Variants in PTK2 observed in about 807,000 individuals in gnomAD.
PTK2 encodes protein tyrosine kinase 2, also known as focal adhesion kinase 1.
A neutral mutation model predicts 150.1 loss-of-function variants in PTK2; 45 were observed. The observed-to-expected ratio is 0.30, with a 90% CI of 0.24 to 0.38. The LOEUF (loss-of-function observed/expected upper bound fraction) is 0.38. Among genes scored for constraint, PTK2 ranks in the 10% least tolerant of loss-of-function variants. The pLI is 1.00. For missense variants in PTK2, 919 were observed against 1,307.3 expected, an observed-to-expected ratio of 0.70 and a Z score of 4.58; for synonymous variants, 432 against 449.2, an observed-to-expected ratio of 0.96 and a Z score of 0.48.
At chr8:140,709,506 A>C (rs1045495597) in intron 23 of PTK2, among the ~76,000 whole-genome samples, 1 of 152,218 alleles carries the variant, frequency 6.6e-6, no homozygotes, top group Non-Finnish European at 1.5e-5. Flanking sequence ...GGTGGTCAAG[A>C]GGGCAGGCTT....
intron 1 of PTK2, among the ~76,000 whole-genome samples, chr8:140,951,949 T>C (rs567831160): frequency 3.7e-4 from 56 of 152,138 alleles, no homozygotes; most frequent in African/African-American, 1.3e-3. Context: ...GAGATGGCTC[T>C]TGGGTCACAA....
At chr8:140,885,161 A>G (rs2100151809) in intron 3 of PTK2, among the ~76,000 whole-genome samples, 1 of 152,212 alleles carries the variant, frequency 6.6e-6, no homozygotes, top group Non-Finnish European at 1.5e-5. Context: ...AAAATAAGCT[A>G]GGTACAGAGA....
At chr8:140,692,571 T>C (rs1286824050) in intron 26 of PTK2, among the ~76,000 whole-genome samples, 1 of 151,730 alleles carries the variant, frequency 6.6e-6, no homozygotes, top group Non-Finnish European at 1.5e-5. Context: ...GTGCCAAGAT[T>C]GCGCCATTTC....
intron 1 of PTK2, among the ~76,000 whole-genome samples, chr8:140,961,777 A>G (rs1361106417): frequency 1.3e-5 from 2 of 152,242 alleles, no homozygotes; most frequent in Admixed American, 1.3e-4. Flanking sequence ...TTAAAAGGCA[A>G]TGATTTAAGC....
chr8:140,748,190 C>T (rs2100060573), intron 17 of PTK2, among the ~76,000 whole-genome samples: 1 of 152,084 alleles, frequency 6.6e-6, no homozygotes, highest in African/African-American at 2.4e-5. Flanking sequence ...TGGTTGCTTT[C>T]AGGGCCCTAT....
At chr8:140,918,985 T>C (rs999738345) in intron 2 of PTK2, among the ~76,000 whole-genome samples, 2 of 152,198 alleles carry the variant, frequency 1.3e-5, no homozygotes, top group African/African-American at 4.8e-5. Context: ...CTCCCTGTCC[T>C]GGTACAAGAG....
intron 27 of PTK2, among the ~76,000 whole-genome samples, chr8:140,677,206 A>G (rs1254556478): frequency 6.6e-6 from 1 of 152,152 alleles, no homozygotes; most frequent in Non-Finnish European, 1.5e-5. Context: ...CCTTATCACA[A>G]AAACAGGTAC....
intron 5 of PTK2, among the ~76,000 whole-genome samples, chr8:140,851,341 T>C (rs1001415551): frequency 1.3e-5 from 2 of 152,242 alleles, no homozygotes; most frequent in Admixed American, 6.5e-5. Flanking sequence ...TACACATTCA[T>C]TGATTTATCA....
intron 3 of PTK2, 103 bp from the exon 4 acceptor site, chr8:140,879,740 T>C: frequency 1.0e-6 from 1 of 990,784 alleles, no homozygotes; most frequent in East Asian, 3.1e-5. Context: ...AAAAACTATA[T>C]GCTAAAAAGT....
At chr8:140,830,678 A>G (rs746216736) in intron 7 of PTK2, 152 bp from the exon 8 acceptor site, 38 of 522,654 alleles carry the variant, frequency 7.3e-5, no homozygotes, top group African/African-American at 1.6e-4. Context: ...ATTTACCAGT[A>G]TATTCACAGG....
chr8:140,797,911 G>A (rs1388524609), intron 12 of PTK2, among the ~76,000 whole-genome samples: 2 of 152,056 alleles, frequency 1.3e-5, no homozygotes, highest in African/African-American at 4.8e-5. Flanking sequence ...CTCCTGTGTA[G>A]CTGGAATTAC....
At chr8:140,744,411 T>G (rs930954770) in intron 19 of PTK2, among the ~76,000 whole-genome samples, 4 of 152,252 alleles carry the variant, frequency 2.6e-5, no homozygotes, top group African/African-American at 9.6e-5. Context: ...AAAAATCCTG[T>G]AAATGTGTAT....
chr8:140,679,822 G>C (rs2100016035), intron 27 of PTK2, among the ~76,000 whole-genome samples: 1 of 152,136 alleles, frequency 6.6e-6, no homozygotes, highest in African/African-American at 2.4e-5. Context: ...CTAGTCAAAG[G>C]GTTCTCCCTG....
chr8:140,782,763 T>C (rs1342171385), intron 14 of PTK2, among the ~76,000 whole-genome samples: 1 of 151,736 alleles, frequency 6.6e-6, no homozygotes, highest in Non-Finnish European at 1.5e-5. Flanking sequence ...GAAACTAGAG[T>C]GTAAAACTAG....
At chr8:140,746,676 G>A in intron 18 of PTK2, 84 bp downstream of exon 21, 4 of 1,008,872 alleles carry the variant, frequency 4.0e-6, no homozygotes, top group South Asian at 1.6e-5. Flanking sequence ...GAAAATCCAA[G>A]ATATAAACTG....
chr8:140,690,908 A>G (rs1472644187), intron 26 of PTK2, among the ~76,000 whole-genome samples: 1 of 152,238 alleles, frequency 6.6e-6, no homozygotes, highest in Non-Finnish European at 1.5e-5. Context: ...CAGTCCTTAC[A>G]AGCTGTGTGA....
rs1442469164 is a variant in PTK2 at position 140,674,251 on chromosome 8, C to T, written c.2709+47G>A. The T allele has an allele frequency of 2.6e-6, 4 of 1,528,280 alleles. 1 individual carries two copies. The South Asian group carries it at 3.5e-5, about 13-fold the overall frequency. 94.7% of individuals were successfully genotyped at this position (1,528,280 alleles called of 1,614,324 possible). On this transcript the variant is annotated intron_variant, in intron 29 of 31. Coordinates refer to ENST00000522684, the Ensembl canonical transcript of PTK2. The stretch of plus-strand genomic sequence containing the variant: ...CACATCAACTGAGAACTAGGGGACA[C>T]CACAAATCCTGCAAGCAGAAGGTGC...
At chr8:140,692,917 T>C (rs748520660) in intron 26 of PTK2, among the ~76,000 whole-genome samples, 9 of 152,230 alleles carry the variant, frequency 5.9e-5, no homozygotes, top group Non-Finnish European at 1.2e-4. Flanking sequence ...TCAGACTGAC[T>C]GGATCTGCTA....
intron 2 of PTK2, among the ~76,000 whole-genome samples, chr8:140,892,176 T>G (rs925266918): frequency 2.0e-5 from 3 of 151,884 alleles, no homozygotes; most frequent in Non-Finnish European, 4.4e-5. Context: ...TTGCTGCACT[T>G]CAGCCTGGAC....
Sources: allele counts gnomAD v4.1 joint callset (sites outside exome capture counted in the v4.1 genomes callset), GRCh38; gene constraint gnomAD v4.1.1; transcripts MANE v1.5; gene names NCBI Gene and HGNC (gene_info 2026-07-23, HGNC 2026-07-21).